TPRG1: variants seen among roughly 807,000 people sequenced by gnomAD.
TPRG1 encodes tumor protein p63 regulated 1.
A neutral mutation model predicts 29.3 loss-of-function variants in TPRG1; 29 were observed. The observed-to-expected ratio is 0.99, with a 90% CI of 0.74 to 1.35. The LOEUF (loss-of-function observed/expected upper bound fraction) is 1.35, where lower values mean the gene tolerates loss of function less well. Among genes scored for constraint, TPRG1 ranks in the 40% most tolerant of loss-of-function variants. TPRG1 has a pLI of 0.00. For missense variants in TPRG1, 327 were observed against 335.0 expected (o/e 0.98, Z 0.19); for synonymous variants, 130 against 116.8 (o/e 1.11, Z -0.73).
chr3:189,169,847 A>G (rs1358506768), upstream of TPRG1, among the ~76,000 whole-genome samples: 3 of 152,190 alleles, frequency 2.0e-5, no homozygotes, highest in African/African-American at 7.2e-5. Context: ...CTCTGATCCC[A>G]GTGAGCAGCT....
chr3:189,310,895 G>A (rs988259403), intron 5 of TPRG1, among the ~76,000 whole-genome samples: 1 of 152,048 alleles, frequency 6.6e-6, no homozygotes. Context: ...AGTTCGATGA[G>A]GTTCTATGGT....
chr3:189,299,737 G>A (rs1400214980), intron 4 of TPRG1, among the ~76,000 whole-genome samples: 1 of 151,568 alleles, frequency 6.6e-6, no homozygotes, highest in African/African-American at 2.4e-5. Context: ...TTTAGACATC[G>A]ACCCTATTCT....
chr3:189,215,254 G>A (rs777544156), intron 2 of TPRG1, 38 bp from the exon 3 acceptor site: 9 of 1,566,686 alleles, frequency 5.7e-6, no homozygotes, highest in Non-Finnish European at 7.8e-6. Context: ...AGTGGGCTAA[G>A]TCTGCTCTAA....
intron 1 of TPRG1, among the ~76,000 whole-genome samples, chr3:189,182,659 A>G (rs1363492242): frequency 2.0e-5 from 3 of 152,210 alleles, no homozygotes; most frequent in Non-Finnish European, 4.4e-5. Context: ...AGTTTTACCT[A>G]CAAGAACCCT....
intron 1 of TPRG1, among the ~76,000 whole-genome samples, chr3:189,104,277 T>G (rs1333013913): frequency 6.6e-6 from 1 of 152,140 alleles, no homozygotes; most frequent in Non-Finnish European, 1.5e-5. Context: ...AGGCTTGTAC[T>G]GACGATAGAG....
At chr3:189,113,307 T>C (rs1032031064) in intron 1 of TPRG1, among the ~76,000 whole-genome samples, 1 of 152,206 alleles carries the variant, frequency 6.6e-6, no homozygotes, top group South Asian at 2.1e-4. Context: ...AGATATACAA[T>C]CATGTCATCT....
intron 4 of TPRG1, among the ~76,000 whole-genome samples, chr3:189,052,111 A>G (rs1326675097): frequency 1.3e-5 from 2 of 152,252 alleles, no homozygotes; most frequent in Non-Finnish European, 2.9e-5. Flanking sequence ...TAATTAAACT[A>G]AAGAGCTTTT....
intron 2 of TPRG1, among the ~76,000 whole-genome samples, chr3:189,209,850 C>T (rs1310247905): frequency 6.6e-6 from 1 of 152,012 alleles, no homozygotes; most frequent in Non-Finnish European, 1.5e-5. Context: ...CTAAAGTAAA[C>T]CTGAAGACTC....
chr3:189,215,490 C>T, intron 3 of TPRG1, 107 bp downstream of exon 3: 1 of 939,236 alleles, frequency 1.1e-6, no homozygotes, highest in African/African-American at 1.7e-5. Flanking sequence ...CTGGTTGCTA[C>T]ATAAGATAAA....
chr3:189,013,800 CT>C (rs1712776410), intron 3 of TPRG1, among the ~76,000 whole-genome samples: 2 of 151,858 alleles, frequency 1.3e-5, no homozygotes, highest in South Asian at 4.1e-4. Flanking sequence ...CTTTTTTTGA[CT>C]TTTGTTGATT....
At chr3:189,004,218 T>C (rs1181850263) in intron 2 of TPRG1, among the ~76,000 whole-genome samples, 1 of 152,064 alleles carries the variant, frequency 6.6e-6, no homozygotes, top group African/African-American at 2.4e-5. Flanking sequence ...ATGACACAAT[T>C]TACCTATATA....
chr3:189,178,919 A>G (rs1259628251), intron 1 of TPRG1, among the ~76,000 whole-genome samples: 1 of 152,214 alleles, frequency 6.6e-6, no homozygotes, highest in African/African-American at 2.4e-5. Context: ...TTGGAGCTCT[A>G]AAAAGGAATT....
intron 4 of TPRG1, among the ~76,000 whole-genome samples, chr3:189,078,008 TTTCCTTCCTTCC>T (rs773510018): frequency 1.6e-3 from 159 of 98,884 alleles, no homozygotes; most frequent in South Asian, 4.6e-3. Flanking sequence ...CTAAAAACCT[TTTCCTTCCTTCC>T]TTCCTTCCTT....
At chr3:189,043,587 A>G (rs1578233843) in intron 4 of TPRG1, among the ~76,000 whole-genome samples, 1 of 152,202 alleles carries the variant, frequency 6.6e-6, no homozygotes, top group African/African-American at 2.4e-5. Flanking sequence ...ATAAAAGCCA[A>G]TCGTCTGCTT....
chr3:189,283,079 C>A (rs1418997603), intron 4 of TPRG1, among the ~76,000 whole-genome samples: 2 of 152,160 alleles, frequency 1.3e-5, no homozygotes, highest in Non-Finnish European at 2.9e-5. Flanking sequence ...AACTTTAAAT[C>A]AACCCACTCT....
At chr3:189,102,126 G>A (rs61571390) in intron 1 of TPRG1, among the ~76,000 whole-genome samples, 10,486 of 152,128 alleles carry the variant, frequency 0.069, 1,184 homozygotes, top group African/African-American at 0.23. Context: ...TTTTCCAAAT[G>A]TCCTGCTCAT....
At chr3:189,100,151 C>G (rs1419139956) in exon 1 of TPRG1, 1 of 152,392 alleles carries the variant, frequency 6.6e-6, no homozygotes, top group Non-Finnish European at 1.5e-5. Context: ...GCCCCAGGAG[C>G]TGGGCTGGAG....
At chr3:189,253,862 C>T (rs1742655507) in intron 4 of TPRG1, among the ~76,000 whole-genome samples, 1 of 152,142 alleles carries the variant, frequency 6.6e-6, no homozygotes, top group Non-Finnish European at 1.5e-5. Context: ...TGAAAATGAG[C>T]TTTTTTTCAT....
At chr3:189,184,136 A>G (rs1378011823) in intron 1 of TPRG1, among the ~76,000 whole-genome samples, 1 of 152,168 alleles carries the variant, frequency 6.6e-6, no homozygotes, top group East Asian at 1.9e-4. Context: ...GACTTCCCAC[A>G]ACAACTTTTG....
Sources: gnomAD v4.1 joint callset for allele counts (sites outside exome capture counted in the v4.1 genomes callset) on GRCh38, gnomAD v4.1.1 for gene constraint, MANE v1.5 for transcripts, NCBI Gene and HGNC (gene_info 2026-07-23, HGNC 2026-07-21) for gene names.